DDB1: variants seen among roughly 807,000 people sequenced by gnomAD.
DDB1 encodes the protein damage specific DNA binding protein 1.
A neutral mutation model predicts 133.1 loss-of-function variants in DDB1; 18 were observed. That is an observed-to-expected ratio of 0.14 (90% CI 0.09 to 0.20). DDB1 has a LOEUF of 0.20. DDB1 is among the 10% of genes least tolerant of loss of function. DDB1 has a pLI of 1.00. For missense variants in DDB1, 828 were observed against 1,459.2 expected, an observed-to-expected ratio of 0.57 and a Z score of 7.05; for synonymous variants, 580 against 550.5, an observed-to-expected ratio of 1.05 and a Z score of -0.75.
At chr11:61,304,142 T>C in intron 21 of DDB1, 107 bp from the exon 22 acceptor site, 1 of 1,272,720 alleles carries the variant, frequency 7.9e-7, no homozygotes, top group Non-Finnish European at 1.1e-6. Context: ...CAAAGTGCAA[T>C]GCGGGACAGG....
intron 6 of DDB1, 38 bp downstream of exon 6, chr11:61,325,573 G>A (rs1554961947): frequency 1.3e-6 from 2 of 1,564,274 alleles, no homozygotes; most frequent in Non-Finnish European, 8.8e-7. Flanking sequence ...GACAAGGAAA[G>A]AAAAGATGAA....
intron 10 of DDB1, 37 bp downstream of exon 10, chr11:61,321,558 T>A: frequency 1.3e-6 from 2 of 1,596,918 alleles, no homozygotes; most frequent in Non-Finnish European, 1.7e-6. Context: ...AAGTCCCTCA[T>A]GTAAGATCTA....
chr11:61,300,478 G>C (rs1236509424), intron 26 of DDB1, among the ~76,000 whole-genome samples: 3 of 152,118 alleles, frequency 2.0e-5, no homozygotes, highest in African/African-American at 7.2e-5. Flanking sequence ...CCAAACTCCA[G>C]AATTGTGGCC....
intron 21 of DDB1, among the ~76,000 whole-genome samples, chr11:61,308,696 T>C (rs1855914148): frequency 6.6e-6 from 1 of 152,184 alleles, no homozygotes; most frequent in African/African-American, 2.4e-5. Context: ...TTTGGCTCAT[T>C]TTCTTTTGGC....
Position 61,313,469 on chromosome 11 carries a change from C to A in DDB1, c.2069+30G>T. 1.9e-6 allele frequency: 3 copies of A among 1,591,362 alleles called. No homozygotes were observed. In the South Asian group the frequency reaches 3.3e-5, roughly 18 times the overall value. On this transcript the variant is annotated intron_variant, in intron 16 of 26. Transcript: ENST00000301764. The stretch of plus-strand genomic sequence containing the variant: ...ACATCATGACCCCCTCAATCAATAG[C>A]TCTCATTAAATAAGGAAAAAGAGAC...
intron 18 of DDB1, chr11:61,310,664 C>A (rs1208431027): frequency 2.2e-5 from 8 of 357,378 alleles, no homozygotes; most frequent in Admixed American, 8.8e-5. Context: ...CAATCAAGCA[C>A]AGCTAAAAAG....
intron 10 of DDB1, among the ~76,000 whole-genome samples, chr11:61,320,096 C>T (rs1268390511): frequency 1.3e-5 from 2 of 152,076 alleles, no homozygotes; most frequent in Non-Finnish European, 2.9e-5. Flanking sequence ...TTACATCCTG[C>T]TATCTTAGTG....
chr11:61,310,099 AT>A, intron 19 of DDB1, 139 bp from the exon 20 acceptor site: 1 of 1,391,818 alleles, frequency 7.2e-7, no homozygotes, highest in Non-Finnish European at 1.0e-6. Context: ...CAGATTATCC[AT>A]CCCCCACCAG....
chr11:61,331,763 C>T lies in DDB1; in HGVS notation c.62-72G>A, dbSNP rs192536458. ...CCATCCCTTCAAAATAATCCTATCA[C>T]TTATGTCTAAATACCTCCAGAATTC... On this transcript the variant is annotated intron_variant, in intron 1 of 26. Transcript: ENST00000301764. The T allele has an allele frequency of 1.8e-5, 29 of 1,585,482 alleles. No individual in the cohort carries two copies. The East Asian group carries it at 5.8e-4, about 32-fold the overall frequency.
At chr11:61,329,850 C>T in intron 3 of DDB1, 108 bp downstream of exon 3, 1 of 1,000,284 alleles carries the variant, frequency 1.0e-6, no homozygotes, top group Non-Finnish European at 1.5e-6. Context: ...GTGTCTTCTC[C>T]TTATTTCTCT....
chr11:61,309,197 A>G (rs1179120713), intron 20 of DDB1, 120 bp from the exon 21 acceptor site: 3 of 841,458 alleles, frequency 3.6e-6, no homozygotes, highest in Non-Finnish European at 5.9e-6. Flanking sequence ...ATCTAAAAAA[A>G]CAACACAGAC....
In DDB1 at chr11:61,313,869, A is replaced by C; in HGVS notation, c.1854T>G (p.Ile618Met). ...DGALFYFGLN[I>M]ETGLLSDRKK... is the part of the protein sequence containing the mutation. ...TCAAAATACTACTCTCACCTGTCTCAATGTTGAGCCCAAAGTAGAAAAGCG... is the reference window on the plus strand; with the variant it reads ...TCAAAATACTACTCTCACCTGTCTCCATGTTGAGCCCAAAGTAGAAAAGCG... Residue 618 changes from isoleucine (I) to methionine (M), a missense_variant, in exon 15 of 27, where the codon ATT becomes ATG. Ile to Met is a conservative substitution (Grantham distance 10). This residue lies in a region of DDB1 where 396 missense variants were observed against 554.1 expected (regional missense o/e 0.71). Transcript: ENST00000301764. The C allele has an allele frequency of 6.2e-7, 1 of 1,614,134 alleles. No homozygotes were observed. Among genetic ancestry groups the C allele is most frequent in the Middle Eastern group, 1.7e-4 (1 of 6,060 alleles).
chr11:61,304,091 T>TC (rs1855845134), intron 21 of DDB1, 56 bp from the exon 22 acceptor site: 6 of 1,592,688 alleles, frequency 3.8e-6, no homozygotes, highest in Admixed American at 1.7e-5. Context: ...TCAGAATGAC[T>TC]CCCCCCAACT....
intron 21 of DDB1, among the ~76,000 whole-genome samples, chr11:61,306,982 C>T (rs1457126712): frequency 6.6e-6 from 1 of 152,220 alleles, no homozygotes; most frequent in Non-Finnish European, 1.5e-5. Context: ...CCAATACCTC[C>T]TTCCCATCTT....
At chr11:61,325,005 G>C (rs7118030) in intron 6 of DDB1, among the ~76,000 whole-genome samples, 1 of 152,120 alleles carries the variant, frequency 6.6e-6, no homozygotes, top group Non-Finnish European at 1.5e-5. Flanking sequence ...AAAATTAGCC[G>C]GGCGTGATGG....
chr11:61,319,358 C>T (rs1260883219), intron 10 of DDB1, among the ~76,000 whole-genome samples: 1 of 152,176 alleles, frequency 6.6e-6, no homozygotes, highest in Non-Finnish European at 1.5e-5. Context: ...ATCAGCAATA[C>T]TACACTTCTA....
At position 61,314,051 on chromosome 11, in the gene DDB1, A is replaced by G. The variant is rs778300971; in HGVS notation, c.1749T>C (p.Gly583=). 9 of 1,613,816 alleles carry G rather than the reference A, an allele frequency of 5.6e-6. No homozygotes were observed. Among genetic ancestry groups the G allele is most frequent in the East Asian group, 2.2e-5 (1 of 44,888 alleles). Residue 583 remains glycine (G), a synonymous_variant, in exon 14 of 27, where the codon GGT becomes GGC. Coordinates refer to ENST00000301764, the MANE Select transcript of DDB1 (RefSeq NM_001923.5). ...SFELLHKEML[G]GEIIPRSILM... Reference sequence around the variant, plus strand: ...AGGTCCCTAAATGACACATACCTCCACCCAGCATCTCCTTGTGCAGTAGTT... The same window carrying G: ...AGGTCCCTAAATGACACATACCTCCGCCCAGCATCTCCTTGTGCAGTAGTT...
intron 10 of DDB1, among the ~76,000 whole-genome samples, chr11:61,316,946 G>GATATATATATATAT (rs58564398): frequency 2.4e-4 from 7 of 29,068 alleles, no homozygotes; most frequent in Non-Finnish European, 3.7e-4. Context: ...AAAAAGGATA[G>GATATATATATATAT]ATATATATAT....
intron 22 of DDB1, chr11:61,303,392 A>G (rs1855830712): frequency 2.2e-6 from 1 of 458,286 alleles, no homozygotes; most frequent in East Asian, 4.4e-5. Flanking sequence ...GGAGTCTCTA[A>G]AAATACTTAA....
Sources: gnomAD v4.1 joint callset for allele counts (sites outside exome capture counted in the v4.1 genomes callset) on GRCh38, gnomAD v4.1.1 for gene constraint, gnomAD v4.1.1 regional missense constraint, MANE v1.5 for transcripts, NCBI Gene and HGNC (gene_info 2026-07-23, HGNC 2026-07-21) for gene names.